The following MYCBP2 variants were observed in gnomAD, a reference collection of about 807,000 sequenced individuals.
MYCBP2 encodes the protein MYC binding protein 2, also known as E3 ubiquitin-protein ligase MYCBP2.
A neutral mutation model predicts 525.3 loss-of-function variants in MYCBP2; 120 were observed. The ratio of observed to expected loss-of-function variants is 0.23; its 90% confidence interval spans 0.20 to 0.27. MYCBP2 has a LOEUF of 0.27. Among genes scored for constraint, MYCBP2 ranks in the 10% least tolerant of loss-of-function variants. MYCBP2 has a pLI of 1.00. For synonymous variants in MYCBP2, 1,894 were observed against 1,955.8 expected, an observed-to-expected ratio of 0.97 and a Z score of 0.83; for missense variants, 4,149 against 5,657.1, an observed-to-expected ratio of 0.73 and a Z score of 8.55.
intron 52 of MYCBP2, among the ~76,000 whole-genome samples, chr13:77,128,528 T>G: frequency 6.6e-6 from 1 of 151,928 alleles, no homozygotes; most frequent in Non-Finnish European, 1.5e-5. Context: ...AAGGCAATTA[T>G]GAAAACTTGT....
At chr13:77,201,099 C>A (rs1244942807) in intron 26 of MYCBP2, among the ~76,000 whole-genome samples, 16 of 152,150 alleles carry the variant, frequency 1.1e-4, no homozygotes, top group East Asian at 1.9e-4. Flanking sequence ...CAGACTGGCA[C>A]ATTGGGTAAA....
chr13:77,181,917 G>A lies in MYCBP2; in HGVS notation c.4725C>T (p.Ile1575=). The A allele has an allele frequency of 6.2e-7, 1 of 1,612,746 alleles. No homozygotes were observed. Among genetic ancestry groups the A allele is most frequent in the East Asian group, 2.2e-5 (1 of 44,834 alleles). Reference sequence around the variant, plus strand: ...TTGATGTCTTGAAGTTTGCTTCTTGGATATCCTTTTAAAAACAAAAATATG... The same window carrying A: ...TTGATGTCTTGAAGTTTGCTTCTTGAATATCCTTTTAAAAACAAAAATATG... ...CDLLNCLDQD[I]QEANFKTSSS... The change falls in exon 33 of 83, where the codon ATC becomes ATT. Residue 1575 remains isoleucine, a synonymous_variant. Transcript: ENST00000544440.
chr13:77,310,070 C>G (rs1420113414), intron 1 of MYCBP2, among the ~76,000 whole-genome samples: 1 of 152,102 alleles, frequency 6.6e-6, no homozygotes, highest in East Asian at 1.9e-4. Flanking sequence ...CAAGATCGCC[C>G]CACTGCACTC....
intron 82 of MYCBP2, among the ~76,000 whole-genome samples, chr13:77,048,370 G>A (rs1204122949): frequency 6.6e-6 from 1 of 152,202 alleles, no homozygotes; most frequent in Non-Finnish European, 1.5e-5. Context: ...CCAGTTTACA[G>A]TATTTTGTTA....
chr13:77,198,746 C>T (rs1267182677), intron 26 of MYCBP2, among the ~76,000 whole-genome samples: 1 of 152,166 alleles, frequency 6.6e-6, no homozygotes, highest in Non-Finnish European at 1.5e-5. Flanking sequence ...AACACTATCT[C>T]TCACTCCTCC....
At chr13:77,153,751 ACT>A (rs2056842895) in intron 46 of MYCBP2, among the ~76,000 whole-genome samples, 1 of 6,524 alleles carries the variant, frequency 1.5e-4, no homozygotes, top group African/African-American at 4.8e-4. Flanking sequence ...CTTAAAATAA[ACT>A]TTTTTTTTTA....
At position 77,270,554 on chromosome 13, in the gene MYCBP2, GA is replaced by G. The variant is rs1567113330; in HGVS notation, c.946-17del. 1 of 1,565,606 alleles carries G rather than the reference GA, an allele frequency of 6.4e-7. No homozygotes were observed. Among genetic ancestry groups the G allele is most frequent in the Non-Finnish European group, 8.6e-7 (1 of 1,156,080 alleles). On this transcript the variant is annotated splice_polypyrimidine_tract_variant and intron_variant, in intron 5 of 82. Coordinates refer to ENST00000544440, the MANE Select transcript of MYCBP2 (RefSeq NM_015057.5). ...TTGTTGGCACCTAATCAAAAGAGAA[GA>G]AAAATAATGAAAAAACATTTTTAAA...
chr13:77,165,158 G>A (rs1323223508), intron 42 of MYCBP2, 115 bp downstream of exon 42: 7 of 833,700 alleles, frequency 8.4e-6, no homozygotes, highest in African/African-American at 1.8e-5. Flanking sequence ...ACTGCACCAG[G>A]CCCCAATTTT....
intron 14 of MYCBP2, among the ~76,000 whole-genome samples, chr13:77,254,917 CA>C (rs750489318): frequency 1.3e-5 from 2 of 151,904 alleles, no homozygotes; most frequent in Non-Finnish European, 1.5e-5. Flanking sequence ...CATGTTTCTG[CA>C]AATAACAATA....
intron 55 of MYCBP2, 143 bp from the exon 56 acceptor site, chr13:77,099,156 AAAG>A: frequency 9.2e-7 from 1 of 1,086,098 alleles, no homozygotes; most frequent in Non-Finnish European, 1.3e-6. Context: ...AGAATAAAGG[AAAG>A]AAGGGGGAAA....
chr13:77,045,242 T>C lies in MYCBP2; in HGVS notation c.*136A>G, dbSNP rs1191430522. On this transcript the variant is annotated 3_prime_UTR_variant, in exon 83 of 83. Coordinates refer to ENST00000544440, the MANE Select transcript of MYCBP2 (RefSeq NM_015057.5). ...TTATGTACATGGTATTTGGTATCCT[T>C]CTTGCACTGTGAATGGTTCATTTTC... The C allele has an allele frequency of 3.4e-6, 2 of 581,560 alleles. No homozygotes were observed. The highest frequency in any genetic ancestry group is 6.2e-6 in the Non-Finnish European group (2 of 324,306). 36.0% of individuals were successfully genotyped at this position (581,560 alleles called of 1,614,324 possible). A position where few individuals can be genotyped will look rare whatever the true frequency, so the allele number is the denominator to read the frequency against.
At chr13:77,061,396 T>C (rs1299035240) in intron 75 of MYCBP2, 95 bp from the exon 76 acceptor site, 1 of 1,081,050 alleles carries the variant, frequency 9.3e-7, no homozygotes, top group Non-Finnish European at 1.3e-6. Context: ...ATAATGGCTT[T>C]CATTTAAGCA....
At chr13:77,085,358 AACAGTCAATTTCCATAG>A (rs1326664555) in intron 62 of MYCBP2, among the ~76,000 whole-genome samples, 9 of 152,168 alleles carry the variant, frequency 5.9e-5, no homozygotes, top group African/African-American at 2.2e-4. Context: ...GTGTCCAGTA[AACAGTCAATTTCCATAG>A]ACATTTGTGT....
At chr13:77,121,131 T>C (rs2050620545) in intron 55 of MYCBP2, 2 of 258,428 alleles carry the variant, frequency 7.7e-6, no homozygotes, top group African/African-American at 2.2e-5. Flanking sequence ...GTTTTTTAAA[T>C]AGAAAAAAAA....
rs138001580 is a variant in MYCBP2, at chr13:77,235,097, A to G, written c.2630-1834T>C. 5.6e-3 allele frequency among the ~76,000 whole-genome samples: 851 copies of G among 152,202 alleles called. 9 individuals carry two copies. Among genetic ancestry groups the G allele is most frequent in the African/African-American group, 0.02 (819 of 41,562 alleles). On this transcript the variant is annotated intron_variant, in intron 17 of 82. Coordinates refer to ENST00000544440, the MANE Select transcript of MYCBP2 (RefSeq NM_015057.5). ...AGTTGAGTCACTAATTTATTCACCA[A>G]ATTTTCTGATTATCTTTTATTTAGC... is the stretch of plus-strand genomic sequence containing the variant.
At chr13:77,091,195 T>G (rs2045357406) in intron 59 of MYCBP2, among the ~76,000 whole-genome samples, 2 of 152,142 alleles carry the variant, frequency 1.3e-5, no homozygotes, top group Admixed American at 1.3e-4. Flanking sequence ...TCTAAGCTTA[T>G]GTACATTCTT....
In MYCBP2 at chr13:77,268,324, AGGTGTGG is replaced by A. The variant is rs1313184673; in HGVS notation, c.1261-394_1261-388del. ...AAATGAATAGCATAGTGGTTTCAGA[AGGTGTGG>A]TATGCCATTGAACACACTGCTATAA... On this transcript the variant is annotated intron_variant, in intron 7 of 82. Coordinates refer to ENST00000544440, the MANE Select transcript of MYCBP2 (RefSeq NM_015057.5). Among the ~76,000 whole-genome samples the A allele has an allele frequency of 1.0e-3, 157 of 152,328 alleles. 1 individual carries two copies. Among genetic ancestry groups the A allele is most frequent in the Middle Eastern group, 3.4e-3 (1 of 294 alleles).
intron 1 of MYCBP2, among the ~76,000 whole-genome samples, chr13:77,316,426 G>T (rs1307764130): frequency 6.6e-6 from 1 of 152,170 alleles, no homozygotes; most frequent in Non-Finnish European, 1.5e-5. Context: ...ATTGGAACTA[G>T]GGAAGAGTCT....
intron 3 of MYCBP2, among the ~76,000 whole-genome samples, chr13:77,280,282 G>T (rs1767517210): frequency 6.6e-6 from 1 of 152,184 alleles, no homozygotes; most frequent in Non-Finnish European, 1.5e-5. Flanking sequence ...TATTACAGAA[G>T]AGTCTGCATA....
Sources: gnomAD v4.1 joint callset for allele counts (sites outside exome capture counted in the v4.1 genomes callset) on GRCh38, gnomAD v4.1.1 for gene constraint, MANE v1.5 for transcripts, NCBI Gene and HGNC (gene_info 2026-07-23, HGNC 2026-07-21) for gene names.